The following RBFOX1 variants were observed in gnomAD, a reference collection of about 807,000 sequenced individuals.
RBFOX1 encodes RNA binding protein fox-1 homolog 1.
RBFOX1 carries 8 observed loss-of-function variants against 57.7 expected under a neutral mutation model. The ratio of observed to expected loss-of-function variants is 0.14; its 90% confidence interval spans 0.08 to 0.25. The LOEUF (loss-of-function observed/expected upper bound fraction) is 0.25. RBFOX1 is among the 10% of genes least tolerant of loss of function. The pLI is 1.00. For missense variants in RBFOX1, 611 were observed against 548.5 expected (o/e 1.11, Z -1.14); for synonymous variants, 326 against 222.4 (o/e 1.47, Z -4.15).
chr16:5,584,824 C>T (rs1241304875), intron 2 of RBFOX1, among the ~76,000 whole-genome samples: 1 of 152,094 alleles, frequency 6.6e-6, no homozygotes, highest in African/African-American at 2.4e-5. Context: ...GATACAGACC[C>T]TATTAATTTT....
chr16:7,245,026 A>G (rs1424071267), intron 4 of RBFOX1, among the ~76,000 whole-genome samples: 2 of 152,178 alleles, frequency 1.3e-5, no homozygotes, highest in Non-Finnish European at 2.9e-5. Context: ...TACCATTTTC[A>G]TGAATTAGAA....
At chr16:6,809,599 G>T (rs536637188) in intron 3 of RBFOX1, among the ~76,000 whole-genome samples, 1 of 152,070 alleles carries the variant, frequency 6.6e-6, no homozygotes. Context: ...CCATAACCTT[G>T]GTACAGAATT....
intron 4 of RBFOX1, among the ~76,000 whole-genome samples, chr16:7,459,342 C>A (rs1293663004): frequency 1.3e-5 from 2 of 152,196 alleles, no homozygotes; most frequent in Admixed American, 6.5e-5. Context: ...TTGGCATGGG[C>A]AATTGTTACC....
Position 7,186,293 on chromosome 16 carries a change from T to C in RBFOX1, c.27+134195T>C, listed in dbSNP as rs182578049. Among the ~76,000 whole-genome samples the C allele has an allele frequency of 2.6e-3, 270 of 105,192 alleles. 3 individuals carry two copies. Among genetic ancestry groups the C allele is most frequent in the Middle Eastern group, 0.016 (2 of 126 alleles). 69.0% of individuals were successfully genotyped at this position (105,192 alleles called of 152,430 possible). On this transcript the variant is annotated intron_variant, in intron 4 of 15. Transcript: ENST00000550418. ...ATAAACATAAACATATTTATATAAA[T>C]ATAAACATAAACATATTTATATAAA...
At chr16:6,718,740 C>T (rs1603458270) in intron 3 of RBFOX1, among the ~76,000 whole-genome samples, 1 of 152,162 alleles carries the variant, frequency 6.6e-6, no homozygotes. Flanking sequence ...TGAAGGTAAC[C>T]ATAGTAACAG....
At chr16:6,260,231 C>T (rs577661772) in intron 1 of RBFOX1, among the ~76,000 whole-genome samples, 104 of 152,214 alleles carry the variant, frequency 6.8e-4, no homozygotes, top group Non-Finnish European at 1.1e-3. Context: ...GATATATTGC[C>T]GCAGAATTAA....
At chr16:5,862,536 A>T (rs865888764) in intron 3 of RBFOX1, among the ~76,000 whole-genome samples, 88 of 152,334 alleles carry the variant, frequency 5.8e-4, no homozygotes, top group African/African-American at 2.0e-3. Context: ...AATAGCAGAC[A>T]GTCACCCACT....
At chr16:6,207,304 A>G (rs887919621) in intron 1 of RBFOX1, among the ~76,000 whole-genome samples, 3 of 152,226 alleles carry the variant, frequency 2.0e-5, no homozygotes, top group African/African-American at 7.2e-5. Context: ...ATGGCAGTTA[A>G]TGCAATCTAT....
In RBFOX1 at chr16:5,611,094, G is replaced by A. The variant is rs1567295868; in HGVS notation, c.318+12133G>A. ...GAGCATCATCCACATCCTTAGGTGT[G>A]GCGTGCTTTCTCTCTGACCCACATG... On this transcript the variant is annotated intron_variant, in intron 3 of 19. Coordinates refer to the RBFOX1 transcript ENST00000641259. The A allele has an allele frequency of 2.0e-5, 3 of 152,056 alleles. No homozygotes were observed. The East Asian group carries it at 5.8e-4, about 29-fold the overall frequency. The allele number at this position is 152,056 out of a possible 1,614,324, so 9.4% of individuals were successfully genotyped here.
At chr16:7,066,152 A>G (rs1455071267) in intron 4 of RBFOX1, among the ~76,000 whole-genome samples, 1 of 152,242 alleles carries the variant, frequency 6.6e-6, no homozygotes, top group Non-Finnish European at 1.5e-5. Context: ...TAAGCAATGC[A>G]CATATTAGTC....
intron 3 of RBFOX1, among the ~76,000 whole-genome samples, chr16:5,712,623 C>T (rs947111215): frequency 4.1e-5 from 4 of 98,564 alleles, no homozygotes; most frequent in Admixed American, 3.0e-4. Context: ...GTTATTTGTC[C>T]TCATGTGTAG....
intron 3 of RBFOX1, among the ~76,000 whole-genome samples, chr16:6,839,752 T>A (rs150929234): frequency 6.6e-6 from 1 of 152,204 alleles, no homozygotes; most frequent in Non-Finnish European, 1.5e-5. Context: ...AAGAGAAAAT[T>A]AAGCAGTTGA....
intron 4 of RBFOX1, among the ~76,000 whole-genome samples, chr16:7,372,944 T>G (rs550303864): frequency 1.3e-5 from 2 of 152,064 alleles, no homozygotes; most frequent in South Asian, 4.2e-4. Context: ...GCATTTTTTT[T>G]TTTTTGAGAT....
At chr16:6,319,873 C>T (rs983934033) in intron 2 of RBFOX1, among the ~76,000 whole-genome samples, 3 of 152,092 alleles carry the variant, frequency 2.0e-5, no homozygotes, top group African/African-American at 7.2e-5. Flanking sequence ...GCTAAAAATC[C>T]CATGGCATGC....
At chr16:6,398,038 C>G (rs1451784038) in intron 2 of RBFOX1, among the ~76,000 whole-genome samples, 1 of 152,110 alleles carries the variant, frequency 6.6e-6, no homozygotes, top group African/African-American at 2.4e-5. Flanking sequence ...ATAAGTCCAA[C>G]TATGTCAGGA....
intron 2 of RBFOX1, among the ~76,000 whole-genome samples, chr16:6,354,843 G>A (rs1568003254): frequency 6.6e-6 from 1 of 152,170 alleles, no homozygotes; most frequent in African/African-American, 2.4e-5. Context: ...GAAGGAATCA[G>A]TGAATGAATG....
rs557184629 is a variant in RBFOX1, at chr16:7,075,350, A to T, written c.27+23252A>T. The stretch of plus-strand genomic sequence containing the variant: ...AGGTTGCCCAAAAGAACTCTAGGAG[A>T]AGAGTTGGGAAGTCAAAAACTTTCA... On this transcript the variant is annotated intron_variant, in intron 4 of 15. Coordinates refer to ENST00000550418, the MANE Select transcript of RBFOX1 (RefSeq NM_018723.4). Among the ~76,000 whole-genome samples the T allele has an allele frequency of 2.0e-5, 3 of 152,314 alleles. No individual in the cohort carries two copies. In the South Asian group the frequency reaches 6.2e-4, roughly 32 times the overall value.
chr16:5,297,735 C>G (rs1309262490), intron 1 of RBFOX1, among the ~76,000 whole-genome samples: 1 of 152,196 alleles, frequency 6.6e-6, no homozygotes, highest in African/African-American at 2.4e-5. Context: ...CAGTGTTTCT[C>G]AATTTAGGAC....
chr16:7,159,204 C>T (rs554939868), intron 4 of RBFOX1, among the ~76,000 whole-genome samples: 18 of 152,114 alleles, frequency 1.2e-4, no homozygotes, highest in Non-Finnish European at 2.4e-4. Context: ...AGTTGATTGT[C>T]TTAGATTGCT....
Sources: allele counts gnomAD v4.1 joint callset (sites outside exome capture counted in the v4.1 genomes callset), GRCh38; gene constraint gnomAD v4.1.1; transcripts MANE v1.5; gene names NCBI Gene and HGNC (gene_info 2026-07-23, HGNC 2026-07-21).